Variants in FAT3 observed in about 807,000 individuals in gnomAD.
FAT3 encodes the protein protocadherin Fat 3.
In FAT3, 95 loss-of-function variants were observed where a neutral mutation model predicts 310.2. The observed-to-expected ratio is 0.31, with a 90% CI of 0.26 to 0.36. The LOEUF is 0.36. Among genes scored for constraint, FAT3 ranks in the 10% least tolerant of loss-of-function variants. The probability of loss-of-function intolerance (pLI) is 1.00; values close to 1 mark genes in which losing one functional copy is unlikely to be tolerated. For synonymous variants in FAT3, 2,314 were observed against 2,192.9 expected, an observed-to-expected ratio of 1.06 and a Z score of -1.54; for missense variants, 5,408 against 5,715.6, an observed-to-expected ratio of 0.95 and a Z score of 1.74.
intron 2 of FAT3, among the ~76,000 whole-genome samples, chr11:92,434,967 A>C (rs1950892039): frequency 1.3e-5 from 2 of 152,200 alleles, no homozygotes; most frequent in African/African-American, 4.8e-5. Context: ...AAGAGACCTA[A>C]AGACATGGGA....
intron 1 of FAT3, among the ~76,000 whole-genome samples, chr11:92,351,137 T>G (rs1014036983): frequency 1.1e-4 from 17 of 152,174 alleles, no homozygotes; most frequent in African/African-American, 3.9e-4. Flanking sequence ...TCTAAAGTTT[T>G]TCTTGCAAGT....
chr11:92,589,313 T>G (rs1000471070), intron 3 of FAT3, among the ~76,000 whole-genome samples: 1 of 152,052 alleles, frequency 6.6e-6, no homozygotes, highest in African/African-American at 2.4e-5. Context: ...GATTTCCCAT[T>G]ATCATGAAAG....
intron 1 of FAT3, among the ~76,000 whole-genome samples, chr11:92,250,120 A>T (rs1865078560): frequency 6.6e-6 from 1 of 152,200 alleles, no homozygotes; most frequent in South Asian, 2.1e-4. Context: ...GGACATTTTA[A>T]ATTCTTTTAT....
intron 7 of FAT3, among the ~76,000 whole-genome samples, chr11:92,784,294 C>T (rs1946832015): frequency 6.6e-6 from 1 of 152,246 alleles, no homozygotes; most frequent in East Asian, 1.9e-4. Flanking sequence ...AGAAAACTTA[C>T]AAGCTTGAGG....
intron 4 of FAT3, among the ~76,000 whole-genome samples, chr11:92,711,647 C>T (rs1225608488): frequency 6.6e-6 from 1 of 152,166 alleles, no homozygotes; most frequent in Non-Finnish European, 1.5e-5. Context: ...TAGCATTTAC[C>T]TACTGAAGGA....
chr11:92,887,154 C>T (rs1003059699), intron 25 of FAT3, 41 bp downstream of exon 25: 7 of 1,529,286 alleles, frequency 4.6e-6, no homozygotes, highest in Middle Eastern at 1.7e-4. Flanking sequence ...GTGGGTTCTG[C>T]TTCCTGTTCT....
intron 2 of FAT3, among the ~76,000 whole-genome samples, chr11:92,435,468 ATCCT>A (rs371109407): frequency 0.046 from 4,964 of 107,978 alleles, 219 homozygotes; most frequent in African/African-American, 0.11. Context: ...TCTTTTATTT[ATCCT>A]TCCTTCCTTC....
Position 92,718,649 on chromosome 11 carries a change from A to G in FAT3, c.3669+21204A>G, listed in dbSNP as rs75017887. Among the ~76,000 whole-genome samples, 1,467 of 152,256 alleles carry G rather than the reference A, an allele frequency of 9.6e-3. 17 individuals carry two copies. The highest frequency in any genetic ancestry group is 0.014 in the Non-Finnish European group (976 of 68,020). Reference sequence around the variant, plus strand: ...TATTCTTTATTTCTCTACCCTCTCCATCCTCTACAGTAAGCTCAGTAATGA... The same window carrying G: ...TATTCTTTATTTCTCTACCCTCTCCGTCCTCTACAGTAAGCTCAGTAATGA... On this transcript the variant is annotated intron_variant, in intron 4 of 27. Transcript: ENST00000525166.
At chr11:92,313,991 A>G (rs1391272761) in intron 1 of FAT3, among the ~76,000 whole-genome samples, 1 of 152,226 alleles carries the variant, frequency 6.6e-6, no homozygotes, top group Non-Finnish European at 1.5e-5. Context: ...AAATTCTCAG[A>G]GGCTAAGTGC....
chr11:92,682,707 G>C (rs963967631), intron 3 of FAT3, among the ~76,000 whole-genome samples: 3 of 152,112 alleles, frequency 2.0e-5, no homozygotes, highest in African/African-American at 7.2e-5. Context: ...GAACAGTCTT[G>C]GGCAAACGGG....
intron 13 of FAT3, among the ~76,000 whole-genome samples, chr11:92,821,813 C>A (rs1222058353): frequency 6.6e-6 from 1 of 152,146 alleles, no homozygotes; most frequent in African/African-American, 2.4e-5. Context: ...GCTCCATAAA[C>A]CCCTCCCTGA....
intron 3 of FAT3, among the ~76,000 whole-genome samples, chr11:92,623,751 G>C (rs1365971350): frequency 1.3e-5 from 2 of 152,104 alleles, no homozygotes; most frequent in South Asian, 4.2e-4. Flanking sequence ...AGACCATCCT[G>C]GCTAACATGG....
chr11:92,697,233 A>T, intron 3 of FAT3, 151 bp from the exon 4 acceptor site: 1 of 537,588 alleles, frequency 1.9e-6, no homozygotes, highest in Non-Finnish European at 3.2e-6. Context: ...TTTTAAGAAT[A>T]ATTCTTGAGA....
chr11:92,314,148 G>C, intron 1 of FAT3: 1 of 228,064 alleles, frequency 4.4e-6, no homozygotes, highest in Non-Finnish European at 7.3e-6. Flanking sequence ...GGAAAGTTGT[G>C]TGACATTCTC....
chr11:92,872,565 A>G (rs1336573877), intron 22 of FAT3, among the ~76,000 whole-genome samples: 2 of 152,246 alleles, frequency 1.3e-5, no homozygotes, highest in Non-Finnish European at 2.9e-5. Context: ...ACCTCATGGT[A>G]ACAGCATTAA....
intron 2 of FAT3, among the ~76,000 whole-genome samples, chr11:92,376,997 C>T (rs926110123): frequency 2.0e-5 from 3 of 152,230 alleles, no homozygotes; most frequent in African/African-American, 7.2e-5. Context: ...TGTAAATTCT[C>T]TTCAATAGAC....
intron 4 of FAT3, among the ~76,000 whole-genome samples, chr11:92,723,438 G>A (rs1944918606): frequency 6.6e-6 from 1 of 152,076 alleles, no homozygotes; most frequent in Admixed American, 6.6e-5. Context: ...AAGTCTCTAG[G>A]AAGTTCCAAA....
chr11:92,670,174 T>A (rs948592507), intron 3 of FAT3, among the ~76,000 whole-genome samples: 1 of 152,250 alleles, frequency 6.6e-6, no homozygotes, highest in African/African-American at 2.4e-5. Flanking sequence ...TCCTGGTGAC[T>A]TGGCATTTGC....
intron 3 of FAT3, among the ~76,000 whole-genome samples, chr11:92,660,719 T>C (rs1942752348): frequency 6.6e-6 from 1 of 152,218 alleles, no homozygotes; most frequent in African/African-American, 2.4e-5. Flanking sequence ...TCTTAAACTG[T>C]GGACATGGCC....
Sources: allele counts gnomAD v4.1 joint callset (sites outside exome capture counted in the v4.1 genomes callset), GRCh38; gene constraint gnomAD v4.1.1; transcripts MANE v1.5; gene names NCBI Gene and HGNC (gene_info 2026-07-23, HGNC 2026-07-21).